The following UBXN11 variants were observed in gnomAD, a reference collection of about 807,000 sequenced individuals.
UBXN11 encodes UBX domain protein 11.
In UBXN11, 47 loss-of-function variants were observed where a neutral mutation model predicts 62.8. That is an observed-to-expected ratio of 0.75 (90% confidence interval 0.59 to 0.95). UBXN11 has a LOEUF of 0.95. Ranked by LOEUF, UBXN11 falls within the 40% of genes least tolerant of loss-of-function variation. The pLI is 0.00. For missense variants in UBXN11, 638 were observed against 661.7 expected (o/e 0.96, Z 0.39); for synonymous variants, 294 against 267.0 (o/e 1.10, Z -0.99).
chr1:26,294,384 G>A, intron 7 of UBXN11, 53 bp from the exon 8 acceptor site: 1 of 1,597,720 alleles, frequency 6.3e-7, no homozygotes, highest in Admixed American at 1.7e-5. Context: ...CCCCTTCCCA[G>A]GGAAAGGCAG....
chr1:26,304,452 GA>G (rs1057375734), intron 1 of UBXN11, among the ~76,000 whole-genome samples: 39 of 152,152 alleles, frequency 2.6e-4, no homozygotes, highest in Admixed American at 1.4e-3. Context: ...CTCACCCACA[GA>G]AAAAAATTCA....
At chr1:26,306,181 G>A (rs2073663220) in intron 1 of UBXN11, 1 of 152,250 alleles carries the variant, frequency 6.6e-6, no homozygotes, top group Non-Finnish European at 1.5e-5. Flanking sequence ...AGGCCAAAAG[G>A]TCCTTAAGGC....
intron 2 of UBXN11, 119 bp from the exon 3 acceptor site, chr1:26,301,841 C>T (rs2073545553): frequency 1.5e-6 from 2 of 1,377,610 alleles, no homozygotes; most frequent in African/African-American, 2.9e-5. Flanking sequence ...AGCAGGGCCT[C>T]TAACTCCTGA....
chr1:26,303,630 C>CAAAAAA (rs5773154), intron 1 of UBXN11, among the ~76,000 whole-genome samples: 5 of 80,050 alleles, frequency 6.2e-5, no homozygotes, highest in African/African-American at 1.6e-4. Context: ...AACTCCATCT[C>CAAAAAA]AAAAAAAAAA....
upstream of UBXN11, among the ~76,000 whole-genome samples, chr1:26,309,809 T>C (rs981371202): frequency 6.6e-6 from 1 of 152,194 alleles, no homozygotes; most frequent in African/African-American, 2.4e-5. Flanking sequence ...CCTCCTAGGA[T>C]TATTGTACAA....
At chr1:26,283,010 C>CA (rs1173480333) in intron 12 of UBXN11, 73 bp from the exon 13 acceptor site, 19 of 1,590,850 alleles carry the variant, frequency 1.2e-5, no homozygotes, top group Non-Finnish European at 1.6e-5. Context: ...CTTAGAGGGA[C>CA]ACTTCCTTGA....
intron 1 of UBXN11, chr1:26,306,196 T>A (rs2073663621): frequency 2.6e-5 from 4 of 152,122 alleles, no homozygotes. Context: ...TAAGGCAGAG[T>A]TGTCACCCAC....
chr1:26,299,036 T>C (rs2073463849), intron 4 of UBXN11, among the ~76,000 whole-genome samples: 1 of 152,150 alleles, frequency 6.6e-6, no homozygotes, highest in Non-Finnish European at 1.5e-5. Context: ...AGGATTTCTT[T>C]GCATGTGGGA....
intron 1 of UBXN11, chr1:26,303,278 G>A (rs556709835): frequency 6.2e-6 from 1 of 160,466 alleles, no homozygotes; most frequent in East Asian, 1.8e-4. Flanking sequence ...AGCCAGCTGG[G>A]TGACACAAAG....
At chr1:26,283,516 A>G (rs938123463) in intron 12 of UBXN11, among the ~76,000 whole-genome samples, 2 of 152,152 alleles carry the variant, frequency 1.3e-5, no homozygotes, top group Admixed American at 1.3e-4. Context: ...GAACCACTGG[A>G]ACATTTCAAC....
chr1:26,283,479 A>C (rs973177070), intron 12 of UBXN11, among the ~76,000 whole-genome samples: 3 of 152,192 alleles, frequency 2.0e-5, no homozygotes, highest in Admixed American at 6.5e-5. Flanking sequence ...CTTGAGTGCC[A>C]GCATAAGGAA....
Position 26,285,886 on chromosome 1 carries a change from G to C in UBXN11, c.711C>G (p.Leu237=). ...CGAACATCATGATGCCATTCCGGTA[G>C]AGCTTCAGCGGGATGGGCTCGAGGG... ...LRTLEPIPLK[L]YRNGIMMFDG... is the part of the protein sequence containing the mutation. The change falls in exon 9 of 15, where the codon CTC becomes CTG. Residue 237 remains leucine, a synonymous_variant. Coordinates refer to ENST00000374222, the MANE Select transcript of UBXN11 (RefSeq NM_001389556.1). 6.2e-7 allele frequency: 1 copy of C among 1,613,334 alleles called. No individual in the cohort carries two copies.
chr1:26,311,504 G>A (rs1570146474), upstream of UBXN11, among the ~76,000 whole-genome samples: 2 of 150,580 alleles, frequency 1.3e-5, no homozygotes, highest in Admixed American at 6.6e-5. Context: ...GTGCAGTGGC[G>A]CGATCTTGGC....
intron 10 of UBXN11, chr1:26,284,906 G>A (rs569919952): frequency 7.3e-5 from 73 of 1,005,018 alleles, no homozygotes; most frequent in African/African-American, 2.4e-4. Context: ...AAACACCCCC[G>A]CGTCATGACT....
At chr1:26,317,935 C>A in intron 1 of UBXN11, 1 of 1,231,964 alleles carries the variant, frequency 8.1e-7, no homozygotes, top group Non-Finnish European at 1.2e-6. Context: ...GGTTCAAAAG[C>A]AGCTAAACCA....
In UBXN11 at chr1:26,298,025, C is replaced by A; in HGVS notation, c.237G>T (p.Met79Ile). Reference protein sequence around the residue: ...ASHDSELMAFMTRKLWDLEQQ... With the variant: ...ASHDSELMAFITRKLWDLEQQ... ...GCTCCAGGTCCCACAACTTCCTCGTCATGAAGGCCATCAGCTCCGAGTCAT... is the reference window on the plus strand; with the variant it reads ...GCTCCAGGTCCCACAACTTCCTCGTAATGAAGGCCATCAGCTCCGAGTCAT... The change falls in exon 5 of 15, where the codon ATG becomes ATT. Residue 79 changes from methionine to isoleucine, a missense_variant. By Grantham distance (10) the Met-to-Ile change is conservative (BLOSUM62 1). Transcript: ENST00000374222. 1 of 1,613,932 alleles carries A rather than the reference C, an allele frequency of 6.2e-7. No individual in the cohort carries two copies. Among genetic ancestry groups the A allele is most frequent in the Non-Finnish European group, 8.5e-7 (1 of 1,179,960 alleles).
chr1:26,302,603 T>C (rs1036331713), intron 2 of UBXN11, among the ~76,000 whole-genome samples: 12 of 152,118 alleles, frequency 7.9e-5, no homozygotes, highest in African/African-American at 2.9e-4. Context: ...ACAGGGCCCA[T>C]ACCTTACTAA....
At chr1:26,302,199 T>G (rs866927653) in intron 2 of UBXN11, among the ~76,000 whole-genome samples, 1 of 151,640 alleles carries the variant, frequency 6.6e-6, no homozygotes, top group African/African-American at 2.4e-5. Context: ...CCGTCTCTAC[T>G]AAAAATACAA....
intron 8 of UBXN11, among the ~76,000 whole-genome samples, chr1:26,289,171 A>G (rs896766556): frequency 2.0e-5 from 3 of 152,102 alleles, no homozygotes; most frequent in Non-Finnish European, 4.4e-5. Context: ...GAGCTCTGTA[A>G]CCCTGGGCCT....
Sources: allele counts gnomAD v4.1 joint callset (sites outside exome capture counted in the v4.1 genomes callset), GRCh38; gene constraint gnomAD v4.1.1; transcripts MANE v1.5; gene names NCBI Gene and HGNC (gene_info 2026-07-23, HGNC 2026-07-21).